The following PATJ variants were observed in gnomAD, a reference collection of about 807,000 sequenced individuals.
PATJ encodes the protein PATJ crumbs cell polarity complex component.
PATJ carries 190 observed loss-of-function variants against 224.9 expected under a neutral mutation model. The observed-to-expected ratio is 0.84, with a 90% confidence interval of 0.75 to 0.95. The LOEUF (loss-of-function observed/expected upper bound fraction) is 0.95, where lower values mean the gene tolerates loss of function less well. Among genes scored for constraint, PATJ ranks in the 40% least tolerant of loss-of-function variants. The pLI, the probability that PATJ is intolerant of heterozygous loss-of-function variation, is 0.00. For missense variants in PATJ, 2,121 were observed against 2,270.3 expected, an observed-to-expected ratio of 0.93 and a Z score of 1.34; for synonymous variants, 769 against 820.3, an observed-to-expected ratio of 0.94 and a Z score of 1.07.
intron 1 of PATJ, among the ~76,000 whole-genome samples, chr1:61,756,716 C>T (rs1179436644): frequency 6.6e-6 from 1 of 151,702 alleles, no homozygotes; most frequent in African/African-American, 2.4e-5. Flanking sequence ...GTAACTGGGA[C>T]AACAGGCGTG....
intron 22 of PATJ, among the ~76,000 whole-genome samples, chr1:61,898,529 C>T (rs982730223): frequency 5.3e-5 from 8 of 152,064 alleles, no homozygotes; most frequent in Admixed American, 5.2e-4. Context: ...TGAGCCACCA[C>T]ACCTGGCCAA....
At chr1:62,142,381 ATC>A (rs1231216656) in intron 41 of PATJ, among the ~76,000 whole-genome samples, 6 of 151,664 alleles carry the variant, frequency 4.0e-5, no homozygotes, top group Non-Finnish European at 7.4e-5. Context: ...CCCAACACCT[ATC>A]TCCTTGTAAC....
chr1:62,067,051 G>A (rs1656577989), intron 31 of PATJ, among the ~76,000 whole-genome samples: 1 of 151,846 alleles, frequency 6.6e-6, no homozygotes, highest in Non-Finnish European at 1.5e-5. Flanking sequence ...TGACCCCTGA[G>A]CAGCAAGGGA....
chr1:62,146,550 C>A (rs138235844), intron 41 of PATJ, among the ~76,000 whole-genome samples: 1,545 of 152,148 alleles, frequency 0.01, 25 homozygotes, highest in South Asian at 0.08. Flanking sequence ...CCGAGGCAGG[C>A]AGATCACCTC....
intron 40 of PATJ, 26 bp downstream of exon 40, chr1:62,128,120 C>CT (rs2148944898): frequency 6.2e-7 from 1 of 1,613,708 alleles, no homozygotes; most frequent in East Asian, 2.2e-5. Flanking sequence ...GGTTGAAAGA[C>CT]TAACAATATG....
chr1:61,835,494 C>A (rs1358794388), intron 17 of PATJ, among the ~76,000 whole-genome samples: 3 of 152,168 alleles, frequency 2.0e-5, no homozygotes, highest in Non-Finnish European at 4.4e-5. Context: ...ATCTCTGCCT[C>A]CTGGGTTCAA....
chr1:62,047,423 AT>A (rs11370376), intron 30 of PATJ, among the ~76,000 whole-genome samples: 2 of 151,762 alleles, frequency 1.3e-5, no homozygotes, highest in Non-Finnish European at 2.9e-5. Flanking sequence ...CGCCTGGCTA[AT>A]TTTTTTGTAT....
intron 27 of PATJ, among the ~76,000 whole-genome samples, chr1:61,966,090 T>A (rs1682089902): frequency 6.6e-6 from 1 of 152,082 alleles, no homozygotes; most frequent in South Asian, 2.1e-4. Flanking sequence ...TTAGTTGAGA[T>A]GAGGTTTTAC....
intron 43 of PATJ, among the ~76,000 whole-genome samples, chr1:62,155,057 T>G (rs574046515): frequency 6.6e-6 from 1 of 152,344 alleles, no homozygotes; most frequent in East Asian, 1.9e-4. Context: ...ATGACACATT[T>G]AACACCCTAA....
intron 33 of PATJ, among the ~76,000 whole-genome samples, chr1:62,103,635 TC>T (rs1411227451): frequency 6.6e-6 from 1 of 151,896 alleles, no homozygotes; most frequent in Admixed American, 6.6e-5. Context: ...ATGCCTGTAG[TC>T]CCAGCTACAT....
chr1:61,773,805 C>T (rs1165799682), intron 6 of PATJ, among the ~76,000 whole-genome samples: 1 of 146,006 alleles, frequency 6.8e-6, no homozygotes, highest in Non-Finnish European at 1.5e-5. Context: ...AAACAAAAAA[C>T]AAAAAAAAAC....
At chr1:62,049,553 A>G (rs191638991) in intron 30 of PATJ, among the ~76,000 whole-genome samples, 66 of 152,314 alleles carry the variant, frequency 4.3e-4, no homozygotes, top group Non-Finnish European at 8.8e-4. Context: ...AGTCCAGGTA[A>G]GTACAATGTG....
intron 16 of PATJ, among the ~76,000 whole-genome samples, chr1:61,831,826 T>G (rs957869764): frequency 6.6e-6 from 1 of 152,232 alleles, no homozygotes; most frequent in African/African-American, 2.4e-5. Flanking sequence ...GTCCCATTAC[T>G]GCGTATATAC....
Position 61,825,430 on chromosome 1 carries a change from C to T in PATJ, c.1819-1992C>T, listed in dbSNP as rs190222115. Among the ~76,000 whole-genome samples the T allele has an allele frequency of 1.4e-3, 208 of 152,228 alleles. 1 individual carries two copies. The highest frequency in any genetic ancestry group is 4.4e-3 in the African/African-American group (184 of 41,534). On this transcript the variant is annotated intron_variant, in intron 15 of 43. Transcript: ENST00000642238. ...ATTCTAAAATAAAAATTAGCTGCTT[C>T]TGAATAACCAAAAATACAAAATTTA...
At chr1:62,108,820 A>G (rs1163598625) in intron 34 of PATJ, among the ~76,000 whole-genome samples, 3 of 152,252 alleles carry the variant, frequency 2.0e-5, no homozygotes, top group East Asian at 1.9e-4. Context: ...TTGCCTCTCC[A>G]TTATACCCTA....
At chr1:61,866,617 GTAACGT>G (rs1444181166) in intron 20 of PATJ, among the ~76,000 whole-genome samples, 1 of 151,334 alleles carries the variant, frequency 6.6e-6, no homozygotes, top group East Asian at 1.9e-4. Flanking sequence ...TGTCATTTGT[GTAACGT>G]TAAGTTAAAA....
intron 33 of PATJ, among the ~76,000 whole-genome samples, chr1:62,088,625 T>C (rs562967107): frequency 6.6e-6 from 1 of 152,258 alleles, no homozygotes; most frequent in South Asian, 2.1e-4. Flanking sequence ...TAATACCTTG[T>C]AGACTTACTA....
At chr1:61,846,013 A>G (rs780253264) in intron 17 of PATJ, 10 of 152,220 alleles carry the variant, frequency 6.6e-5, no homozygotes, top group Admixed American at 1.3e-4. Flanking sequence ...TAAGTTACAT[A>G]TGCTCAGTTG....
At chr1:61,832,372 A>T (rs1166518078) in intron 16 of PATJ, among the ~76,000 whole-genome samples, 1 of 152,230 alleles carries the variant, frequency 6.6e-6, no homozygotes, top group African/African-American at 2.4e-5. Context: ...TAAATTTTTT[A>T]AACTAGCTAT....
Sources: allele counts gnomAD v4.1 joint callset (sites outside exome capture counted in the v4.1 genomes callset), GRCh38; gene constraint gnomAD v4.1.1; transcripts MANE v1.5; gene names NCBI Gene and HGNC (gene_info 2026-07-23, HGNC 2026-07-21).